Variants in STK3 observed in about 807,000 individuals in gnomAD.
The protein encoded by STK3 is serine/threonine-protein kinase 3.
In STK3, 41 loss-of-function variants were observed where a neutral mutation model predicts 58.0. The observed-to-expected ratio is 0.71, with a 90% confidence interval of 0.55 to 0.92. The LOEUF is 0.92. STK3 is among the 40% of genes least tolerant of loss of function. STK3 has a pLI of 0.00. For synonymous variants in STK3, 170 were observed against 191.0 expected, an observed-to-expected ratio of 0.89 and a Z score of 0.91; for missense variants, 479 against 602.7, an observed-to-expected ratio of 0.79 and a Z score of 2.15.
chr8:98,759,376 G>T lies in STK3; in HGVS notation c.236+7867C>A, dbSNP rs141163260. ...GATGGGGCCCACGGCCTAGCAGTGG[G>T]ACAGTCAGAACACACACGACATTTA... On this transcript the variant is annotated intron_variant, in intron 3 of 10. Coordinates refer to ENST00000419617, the MANE Select transcript of STK3 (RefSeq NM_006281.4). Among the ~76,000 whole-genome samples the T allele has an allele frequency of 8.6e-3, 1,306 of 152,256 alleles. 10 individuals carry two copies. Among genetic ancestry groups the T allele is most frequent in the African/African-American group, 0.03 (1,230 of 41,538 alleles).
chr8:98,522,247 A>C (rs1440826965), intron 10 of STK3, among the ~76,000 whole-genome samples: 2 of 152,216 alleles, frequency 1.3e-5, no homozygotes, highest in Non-Finnish European at 2.9e-5. Flanking sequence ...CTGAAAGTAG[A>C]GTACTGCAAT....
At chr8:98,760,418 G>C (rs1281677880) in intron 3 of STK3, among the ~76,000 whole-genome samples, 1 of 152,196 alleles carries the variant, frequency 6.6e-6, no homozygotes, top group African/African-American at 2.4e-5. Flanking sequence ...GGAATTACAG[G>C]CGTGAGCCAC....
intron 4 of STK3, 100 bp from the exon 5 acceptor site, chr8:98,707,411 T>C (rs1291663356): frequency 2.8e-5 from 26 of 939,586 alleles, no homozygotes; most frequent in Non-Finnish European, 3.8e-5. Flanking sequence ...TGTGTGTGTG[T>C]GTGTTTTTTT....
At chr8:98,593,970 T>C (rs141279887) in intron 7 of STK3, among the ~76,000 whole-genome samples, 5 of 152,236 alleles carry the variant, frequency 3.3e-5, no homozygotes, top group African/African-American at 9.6e-5. Flanking sequence ...AAGTACTGGA[T>C]ACTAGGAGTC....
intron 7 of STK3, among the ~76,000 whole-genome samples, chr8:98,582,963 G>A (rs901562422): frequency 8.6e-5 from 13 of 151,890 alleles, no homozygotes; most frequent in Non-Finnish European, 1.6e-4. Flanking sequence ...AATATATCAA[G>A]TTTATAACTA....
At chr8:98,484,372 A>G (rs1822080828) in intron 10 of STK3, among the ~76,000 whole-genome samples, 1 of 152,210 alleles carries the variant, frequency 6.6e-6, no homozygotes, top group Admixed American at 6.5e-5. Context: ...AGTAGTCTAC[A>G]TTAAATGAAA....
intron 6 of STK3, among the ~76,000 whole-genome samples, chr8:98,648,580 ATT>A (rs1314846903): frequency 6.6e-6 from 1 of 152,172 alleles, no homozygotes; most frequent in East Asian, 1.9e-4. Context: ...GAGCCATAAC[ATT>A]TTTAATTTTG....
chr8:98,814,714 T>C (rs2131697207), intron 1 of STK3, among the ~76,000 whole-genome samples: 1 of 152,302 alleles, frequency 6.6e-6, no homozygotes, highest in Non-Finnish European at 1.5e-5. Context: ...AGACAGGGTC[T>C]CACTCTGTAG....
chr8:98,770,333 T>G, intron 2 of STK3, among the ~76,000 whole-genome samples: 1 of 152,226 alleles, frequency 6.6e-6, no homozygotes, highest in East Asian at 1.9e-4. Context: ...AAGCAGCTAC[T>G]ATTCACACTA....
At chr8:98,737,271 T>C (rs540790210) in intron 4 of STK3, among the ~76,000 whole-genome samples, 37 of 152,120 alleles carry the variant, frequency 2.4e-4, no homozygotes, top group African/African-American at 8.7e-4. Flanking sequence ...CATACCCAAA[T>C]GAACAAGAGT....
intron 3 of STK3, among the ~76,000 whole-genome samples, chr8:98,851,155 C>G (rs1836454343): frequency 6.6e-6 from 1 of 152,120 alleles, no homozygotes; most frequent in Admixed American, 6.5e-5. Flanking sequence ...TCTAGGGAAG[C>G]AACACCCCCA....
At chr8:98,435,674 T>C (rs1004970225) in intron 2 of STK3, among the ~76,000 whole-genome samples, 4 of 151,708 alleles carry the variant, frequency 2.6e-5, no homozygotes, top group Admixed American at 6.6e-5. Flanking sequence ...GGTTTCTGGG[T>C]TTCTGGCTGG....
At chr8:98,757,116 A>G (rs147940504) in intron 3 of STK3, among the ~76,000 whole-genome samples, 6 of 152,134 alleles carry the variant, frequency 3.9e-5, no homozygotes, top group African/African-American at 1.4e-4. Flanking sequence ...TATATATAAC[A>G]ATATATCTTT....
intron 8 of STK3, among the ~76,000 whole-genome samples, chr8:98,561,734 T>C (rs980392124): frequency 1.3e-5 from 2 of 151,980 alleles, no homozygotes; most frequent in African/African-American, 4.8e-5. Flanking sequence ...AAAAGGCAAA[T>C]CAAAAATGGG....
At chr8:98,612,954 T>G (rs1258845565) in intron 6 of STK3, among the ~76,000 whole-genome samples, 6 of 152,078 alleles carry the variant, frequency 3.9e-5, no homozygotes, top group Non-Finnish European at 8.8e-5. Context: ...AACCTGTACT[T>G]CCTCTCCAAA....
chr8:98,810,783 G>A (rs1834170950), intron 1 of STK3, among the ~76,000 whole-genome samples: 1 of 152,170 alleles, frequency 6.6e-6, no homozygotes, highest in South Asian at 2.1e-4. Flanking sequence ...GGCCTAGTAG[G>A]AAGTGTTTGG....
intron 7 of STK3, among the ~76,000 whole-genome samples, chr8:98,583,658 G>A (rs989766705): frequency 1.8e-4 from 27 of 152,172 alleles, no homozygotes; most frequent in Non-Finnish European, 3.5e-4. Flanking sequence ...ATTTCCTTGA[G>A]AATACAGCTA....
intron 1 of STK3, among the ~76,000 whole-genome samples, chr8:98,780,775 A>G (rs1832041234): frequency 6.6e-6 from 1 of 152,190 alleles, no homozygotes; most frequent in Admixed American, 6.5e-5. Flanking sequence ...AACTAGAAAT[A>G]TAATTTTTGG....
At chr8:98,769,232 T>A (rs1171793094) in intron 2 of STK3, among the ~76,000 whole-genome samples, 3 of 152,250 alleles carry the variant, frequency 2.0e-5, no homozygotes, top group Admixed American at 2.0e-4. Flanking sequence ...CTTTCTTAGA[T>A]GTTGATATGG....
Sources: allele counts gnomAD v4.1 joint callset (sites outside exome capture counted in the v4.1 genomes callset), GRCh38; gene constraint gnomAD v4.1.1; transcripts MANE v1.5; gene names NCBI Gene and HGNC (gene_info 2026-07-23, HGNC 2026-07-21).